MYO10: variants seen among roughly 807,000 people sequenced by gnomAD.
The protein encoded by MYO10 is myosin X, also known as unconventional myosin-X.
In MYO10, 133 loss-of-function variants were observed where a neutral mutation model predicts 257.3. The ratio of observed to expected loss-of-function variants is 0.52; its 90% CI spans 0.45 to 0.60. MYO10 has a LOEUF of 0.60. MYO10 is among the 20% of genes least tolerant of loss of function. The probability of loss-of-function intolerance (pLI) is 0.00; values close to 1 mark genes in which losing one functional copy is unlikely to be tolerated. For synonymous variants in MYO10, 1,104 were observed against 1,028.6 expected (o/e 1.07, Z -1.40); for missense variants, 2,399 against 2,635.7 (o/e 0.91, Z 1.97).
rs183531193 is a variant in MYO10 at position 16,873,942 on chromosome 5, T to G, written c.120+3667A>C. Reference sequence around the variant, plus strand: ...GAGGGGCTGCCGTGAAGGTCTCTGATATGGCCTGGAGACATTTTCCCCATG... The same window carrying G: ...GAGGGGCTGCCGTGAAGGTCTCTGAGATGGCCTGGAGACATTTTCCCCATG... On this transcript the variant is annotated intron_variant, in intron 2 of 40. Transcript: ENST00000513610. Among the ~76,000 whole-genome samples, 194 of 152,222 alleles carry G rather than the reference T, an allele frequency of 1.3e-3. 2 individuals carry two copies. The highest frequency in any genetic ancestry group is 4.4e-3 in the African/African-American group (182 of 41,572).
chr5:16,855,089 T>C (rs1295421715), intron 2 of MYO10, among the ~76,000 whole-genome samples: 1 of 152,046 alleles, frequency 6.6e-6, no homozygotes, highest in South Asian at 2.1e-4. Flanking sequence ...CTCAAGCTAA[T>C]GCAAGTTGTT....
intron 39 of MYO10, among the ~76,000 whole-genome samples, chr5:16,669,145 A>G (rs1423333245): frequency 1.3e-5 from 2 of 152,194 alleles, no homozygotes; most frequent in African/African-American, 4.8e-5. Context: ...AGACGCTGAA[A>G]AGAGTCTCTA....
At chr5:16,777,867 T>TTTTTTTTTA in intron 9 of MYO10, among the ~76,000 whole-genome samples, 1 of 121,374 alleles carries the variant, frequency 8.2e-6, no homozygotes, top group African/African-American at 3.1e-5. Flanking sequence ...TTTTTTTTTT[T>TTTTTTTTTA]GAGACGGAGT....
chr5:16,892,005 T>C (rs539130493), intron 1 of MYO10, among the ~76,000 whole-genome samples: 4 of 152,212 alleles, frequency 2.6e-5, no homozygotes, highest in Non-Finnish European at 5.9e-5. Flanking sequence ...ATCATATTTA[T>C]ATCATTTGTA....
chr5:16,780,597 T>C lies in MYO10; in HGVS notation c.753A>G (p.Val251=), dbSNP rs916275104. ...VDYLLEKNRV[V]RQNPGERNYH... is the part of the protein sequence containing the mutation. ...AATTCCTTTCCCCGGGATTTTGCCTTACTACTCGGTTCTGGGAAGATAAAT... is the reference window on the plus strand; with the variant it reads ...AATTCCTTTCCCCGGGATTTTGCCTCACTACTCGGTTCTGGGAAGATAAAT... Residue 251 remains valine (V), a synonymous_variant, in exon 8 of 41, where the codon GTA becomes GTG. Transcript: ENST00000513610. 1 of 1,577,152 alleles carries C rather than the reference T, an allele frequency of 6.3e-7. No homozygotes were observed. The highest frequency in any genetic ancestry group is 1.7e-4 in the Middle Eastern group (1 of 6,010).
At chr5:16,788,260 G>A (rs1579991535) in intron 4 of MYO10, among the ~76,000 whole-genome samples, 1 of 152,120 alleles carries the variant, frequency 6.6e-6, no homozygotes, top group Admixed American at 6.5e-5. Context: ...GCCTGGCCAG[G>A]GGGTGGGCAG....
At chr5:16,894,888 C>T (rs1745175362) in intron 1 of MYO10, among the ~76,000 whole-genome samples, 2 of 152,140 alleles carry the variant, frequency 1.3e-5, no homozygotes, top group Admixed American at 6.5e-5. Context: ...GCAAATTAGC[C>T]AAGTGCCAGT....
At chr5:16,798,576 C>T (rs778893999) in intron 3 of MYO10, among the ~76,000 whole-genome samples, 18 of 152,156 alleles carry the variant, frequency 1.2e-4, no homozygotes, top group Non-Finnish European at 2.5e-4. Flanking sequence ...TATCTAACAT[C>T]TGCAGAGGTG....
At chr5:16,669,623 G>A (rs1205819335) in intron 39 of MYO10, among the ~76,000 whole-genome samples, 1 of 152,154 alleles carries the variant, frequency 6.6e-6, no homozygotes. Context: ...CAAAGCACCT[G>A]ATTTTTTTAT....
rs1178469839 is a variant in MYO10 at position 16,763,884 on chromosome 5, C to T, written c.1327-129G>A. The stretch of plus-strand genomic sequence containing the variant: ...CTGTTGTCTGGCACAGTGGCTCACA[C>T]CTGTTATCCCAGCACTTTGGGAGGC... On this transcript the variant is annotated intron_variant, in intron 12 of 40. Coordinates refer to ENST00000513610, the MANE Select transcript of MYO10 (RefSeq NM_012334.3). 92 of 690,330 alleles carry T rather than the reference C, an allele frequency of 1.3e-4. No homozygotes were observed. In the East Asian group the frequency reaches 2.3e-3, roughly 17 times the overall value. 42.8% of individuals were successfully genotyped at this position (690,330 alleles called of 1,614,324 possible).
intron 19 of MYO10, among the ~76,000 whole-genome samples, chr5:16,724,018 G>A (rs1470364470): frequency 1.3e-5 from 2 of 152,132 alleles, no homozygotes; most frequent in African/African-American, 4.8e-5. Context: ...ATACTGTAAT[G>A]GTGGATACAT....
rs547516305 is a variant in MYO10, at chr5:16,854,859, C to T, written c.120+22750G>A. Among the ~76,000 whole-genome samples the T allele has an allele frequency of 5.1e-4, 78 of 152,126 alleles. 1 individual carries two copies. Among genetic ancestry groups the T allele is most frequent in the Non-Finnish European group, 7.9e-4 (54 of 68,012 alleles). ...CCAGCCTGGCTAACATGGTGAAACT[C>T]TATCTCTACTAAAAATACAAAAATT... On this transcript the variant is annotated intron_variant, in intron 2 of 40. Coordinates refer to ENST00000513610, the MANE Select transcript of MYO10 (RefSeq NM_012334.3).
intron 2 of MYO10, among the ~76,000 whole-genome samples, chr5:16,856,292 C>T (rs1165167445): frequency 3.3e-5 from 5 of 152,188 alleles, no homozygotes; most frequent in Admixed American, 6.5e-5. Context: ...GGCACTGTGG[C>T]TCACGCCTGT....
intron 1 of MYO10, among the ~76,000 whole-genome samples, chr5:16,916,767 T>C (rs1038396911): frequency 6.6e-6 from 1 of 152,180 alleles, no homozygotes; most frequent in Non-Finnish European, 1.5e-5. Context: ...CTCATCAAAA[T>C]TGGGAGAAAC....
At chr5:16,744,241 T>C (rs1237106009) in intron 19 of MYO10, among the ~76,000 whole-genome samples, 6 of 152,226 alleles carry the variant, frequency 3.9e-5, no homozygotes, top group Non-Finnish European at 7.3e-5. Flanking sequence ...ATAATGTAAG[T>C]ATGTGTTATT....
Position 16,895,533 on chromosome 5 carries a change from T to C in MYO10, c.22-17826A>G, listed in dbSNP as rs534584622. 1.1e-3 allele frequency among the ~76,000 whole-genome samples: 171 copies of C among 152,100 alleles called. 1 individual carries two copies. The highest frequency in any genetic ancestry group is 1.9e-3 in the Non-Finnish European group (126 of 67,982). On this transcript the variant is annotated intron_variant, in intron 1 of 40. Coordinates refer to ENST00000513610, the MANE Select transcript of MYO10 (RefSeq NM_012334.3). ...GAACAAAGGCCCTCTGCTTCCCCTA[T>C]CTCGTTCCCAGGAAGCCTCTCACCT...
At chr5:16,841,584 T>C (rs866702974) in intron 2 of MYO10, among the ~76,000 whole-genome samples, 25 of 152,294 alleles carry the variant, frequency 1.6e-4, no homozygotes, top group African/African-American at 5.8e-4. Context: ...ACTTTAAATT[T>C]TTCCCATTTC....
At chr5:16,875,666 G>T (rs1480203063) in intron 2 of MYO10, among the ~76,000 whole-genome samples, 2 of 152,162 alleles carry the variant, frequency 1.3e-5, no homozygotes, top group African/African-American at 4.8e-5. Flanking sequence ...TACAAACACA[G>T]TATTAACTAC....
chr5:16,884,366 G>A (rs765278445), intron 1 of MYO10, among the ~76,000 whole-genome samples: 12 of 152,114 alleles, frequency 7.9e-5, no homozygotes, highest in Non-Finnish European at 1.6e-4. Flanking sequence ...CCTCACTCCA[G>A]CCTGGGAGAC....
Sources: gnomAD v4.1 joint callset for allele counts (sites outside exome capture counted in the v4.1 genomes callset) on GRCh38, gnomAD v4.1.1 for gene constraint, MANE v1.5 for transcripts, NCBI Gene and HGNC (gene_info 2026-07-23, HGNC 2026-07-21) for gene names.